The following ANO4 variants were observed in gnomAD, a reference collection of about 807,000 sequenced individuals.
ANO4 encodes anoctamin-4.
ANO4 carries 69 observed loss-of-function variants against 141.9 expected under a neutral mutation model. That is an observed-to-expected ratio of 0.49 (90% confidence interval 0.40 to 0.59). The LOEUF is 0.59. ANO4 is among the 20% of genes least tolerant of loss of function. The pLI is 0.00. For missense variants in ANO4, 894 were observed against 1,162.2 expected, an observed-to-expected ratio of 0.77 and a Z score of 3.36; for synonymous variants, 350 against 394.3, an observed-to-expected ratio of 0.89 and a Z score of 1.33.
rs1593306480 is a variant in ANO4, at chr12:101,115,039, C to A, written c.2451-1640C>A. On this transcript the variant is annotated intron_variant, in intron 24 of 27. Coordinates refer to ENST00000392977, the MANE Select transcript of ANO4 (RefSeq NM_001286615.2). ...GTTCTCAGAACTGTGTTCATGTCAT[C>A]ATTTTGGTTTAGTGTTCAGCAGCTT... Among the ~76,000 whole-genome samples the A allele has an allele frequency of 1.3e-5, 2 of 152,186 alleles. 1 individual carries two copies. Among genetic ancestry groups the A allele is most frequent in the East Asian group, 3.9e-4 (2 of 5,178 alleles).
chr12:100,982,307 C>T (rs1486533189), intron 7 of ANO4, among the ~76,000 whole-genome samples: 2 of 152,166 alleles, frequency 1.3e-5, no homozygotes, highest in Non-Finnish European at 2.9e-5. Context: ...CTTTTCTATT[C>T]CCTATTGGTG....
intron 3 of ANO4, among the ~76,000 whole-genome samples, chr12:100,787,801 T>G (rs1464211865): frequency 6.6e-6 from 1 of 152,172 alleles, no homozygotes; most frequent in Non-Finnish European, 1.5e-5. Flanking sequence ...GTCATTTTCT[T>G]TGGGCCACAG....
chr12:100,975,467 G>A (rs1162533641), intron 7 of ANO4, among the ~76,000 whole-genome samples: 1 of 148,488 alleles, frequency 6.7e-6, no homozygotes, highest in Non-Finnish European at 1.5e-5. Context: ...TGTCACCCAG[G>A]CTGGAGTGCA....
At chr12:100,737,760 A>G (rs542931047) in intron 2 of ANO4, among the ~76,000 whole-genome samples, 19 of 152,342 alleles carry the variant, frequency 1.2e-4, no homozygotes, top group African/African-American at 4.3e-4. Context: ...GGACAGATCT[A>G]TGGATCATCC....
intron 1 of ANO4, among the ~76,000 whole-genome samples, chr12:100,730,525 G>T (rs2031338017): frequency 6.6e-6 from 1 of 152,166 alleles, no homozygotes; most frequent in Non-Finnish European, 1.5e-5. Flanking sequence ...TTATTTGTTT[G>T]TTCCTTCTTT....
intron 18 of ANO4, among the ~76,000 whole-genome samples, chr12:101,094,991 T>C (rs1180488706): frequency 6.6e-6 from 1 of 152,114 alleles, no homozygotes; most frequent in African/African-American, 2.4e-5. Context: ...ACTTGTACAT[T>C]TATCACATTT....
chr12:100,981,504 A>G (rs1270335120), intron 7 of ANO4, among the ~76,000 whole-genome samples: 1 of 152,078 alleles, frequency 6.6e-6, no homozygotes, highest in African/African-American at 2.4e-5. Context: ...AAAGAAAAGA[A>G]AAGAGAAAAG....
At chr12:100,940,293 A>G (rs1024021568) in intron 4 of ANO4, among the ~76,000 whole-genome samples, 1 of 152,020 alleles carries the variant, frequency 6.6e-6, no homozygotes, top group Non-Finnish European at 1.5e-5. Context: ...GGCGTAAAGA[A>G]TGGACTTTGA....
intron 9 of ANO4, among the ~76,000 whole-genome samples, chr12:101,030,526 A>G (rs1854397002): frequency 6.6e-6 from 1 of 152,206 alleles, no homozygotes; most frequent in Non-Finnish European, 1.5e-5. Flanking sequence ...TCAGAAAGCT[A>G]GAAAGATCTC....
intron 2 of ANO4, among the ~76,000 whole-genome samples, chr12:100,912,392 C>CAA (rs35934592): frequency 3.6e-4 from 24 of 67,274 alleles, no homozygotes; most frequent in African/African-American, 8.7e-4. Flanking sequence ...AGGACTCTGT[C>CAA]AAAAAAAAAA....
At chr12:100,863,649 T>G (rs2038598492) in intron 1 of ANO4, among the ~76,000 whole-genome samples, 1 of 152,224 alleles carries the variant, frequency 6.6e-6, no homozygotes, top group Non-Finnish European at 1.5e-5. Flanking sequence ...ATATTCATTA[T>G]GTACAAATAT....
At chr12:100,919,964 G>A (rs1445071987) in intron 2 of ANO4, among the ~76,000 whole-genome samples, 2 of 151,408 alleles carry the variant, frequency 1.3e-5, no homozygotes, top group East Asian at 3.9e-4. Context: ...ATTATTAAAG[G>A]TTTTTGGAAT....
At chr12:100,746,241 G>A (rs2032096150) in intron 3 of ANO4, among the ~76,000 whole-genome samples, 2 of 152,126 alleles carry the variant, frequency 1.3e-5, no homozygotes, top group Admixed American at 1.3e-4. Flanking sequence ...ATCACCTGAG[G>A]TCAGGAGTTC....
chr12:100,760,903 A>G (rs1031814927), intron 3 of ANO4, among the ~76,000 whole-genome samples: 23 of 152,284 alleles, frequency 1.5e-4, no homozygotes, highest in African/African-American at 5.1e-4. Flanking sequence ...AAGGTGGAAC[A>G]TGGTCCTTTC....
chr12:101,040,102 T>C (rs763613455), intron 11 of ANO4, 26 bp downstream of exon 11: 5 of 1,594,096 alleles, frequency 3.1e-6, no homozygotes, highest in East Asian at 2.2e-5. Context: ...GCTGCAAATA[T>C]AAAGCTTGCA....
chr12:100,864,734 G>A (rs750442014), intron 1 of ANO4, among the ~76,000 whole-genome samples: 14 of 152,114 alleles, frequency 9.2e-5, no homozygotes, highest in African/African-American at 1.9e-4. Context: ...TGTGCAGAAC[G>A]TGCAGGTTTG....
At chr12:101,111,199 G>T (rs1204188831) in intron 23 of ANO4, among the ~76,000 whole-genome samples, 3 of 150,572 alleles carry the variant, frequency 2.0e-5, no homozygotes, top group Non-Finnish European at 3.0e-5. Context: ...TGTGTTATTG[G>T]CAGGGCCCAC....
chr12:101,090,883 A>G (rs2049742443), intron 17 of ANO4, among the ~76,000 whole-genome samples: 2 of 152,266 alleles, frequency 1.3e-5, no homozygotes, highest in Admixed American at 6.5e-5. Flanking sequence ...AGCAATATCT[A>G]TTTCAAGACA....
At chr12:100,728,318 CTT>C (rs1057338887) in intron 1 of ANO4, among the ~76,000 whole-genome samples, 9 of 152,214 alleles carry the variant, frequency 5.9e-5, no homozygotes, top group African/African-American at 2.2e-4. Context: ...TTTGTCCACA[CTT>C]TTTCGCTAAG....
Sources: allele counts gnomAD v4.1 joint callset (sites outside exome capture counted in the v4.1 genomes callset), GRCh38; gene constraint gnomAD v4.1.1; transcripts MANE v1.5; gene names NCBI Gene and HGNC (gene_info 2026-07-23, HGNC 2026-07-21).